CCDC102B: variants seen among roughly 807,000 people sequenced by gnomAD.
CCDC102B encodes the protein coiled-coil domain-containing protein 102B.
Under a neutral mutation model 57.4 loss-of-function variants are expected in CCDC102B, and 75 were observed. That is an observed-to-expected ratio of 1.31 (90% CI 1.08 to 1.58). CCDC102B has a LOEUF of 1.58. CCDC102B is among the 40% of genes most tolerant of loss of function. The pLI, the probability that CCDC102B is intolerant of heterozygous loss-of-function variation, is 0.00. For synonymous variants in CCDC102B, 206 were observed against 201.9 expected (o/e 1.02, Z -0.17); for missense variants, 636 against 582.6 (o/e 1.09, Z -0.94).
chr18:69,045,994 A>G (rs2052556382), intron 7 of CCDC102B, among the ~76,000 whole-genome samples: 1 of 152,094 alleles, frequency 6.6e-6, no homozygotes, highest in East Asian at 1.9e-4. Context: ...CATTTTCTTT[A>G]GTCTACTGTT....
At chr18:69,027,524 G>A (rs183531853) in intron 7 of CCDC102B, among the ~76,000 whole-genome samples, 2 of 152,192 alleles carry the variant, frequency 1.3e-5, no homozygotes, top group Admixed American at 1.3e-4. Context: ...GGATTTATAT[G>A]CTATGTCTAG....
At chr18:68,993,965 A>G (rs951570259) in intron 6 of CCDC102B, among the ~76,000 whole-genome samples, 5 of 152,152 alleles carry the variant, frequency 3.3e-5, no homozygotes, top group Admixed American at 2.0e-4. Context: ...CTATATAAAT[A>G]TCAAGACCTA....
intron 7 of CCDC102B, among the ~76,000 whole-genome samples, chr18:69,014,028 T>A (rs1387428398): frequency 1.3e-5 from 2 of 152,170 alleles, no homozygotes; most frequent in Non-Finnish European, 2.9e-5. Flanking sequence ...AGAATATGAT[T>A]GTGACTCTAC....
chr18:69,002,715 A>C (rs1181814365), intron 6 of CCDC102B, among the ~76,000 whole-genome samples: 2 of 152,156 alleles, frequency 1.3e-5, no homozygotes, highest in African/African-American at 4.8e-5. Context: ...TTATCTCTTT[A>C]AGTGAGATGA....
chr18:68,719,046 T>G (rs1340018213), intron 2 of CCDC102B, among the ~76,000 whole-genome samples: 1 of 152,166 alleles, frequency 6.6e-6, no homozygotes, highest in Admixed American at 6.5e-5. Flanking sequence ...CAGAACAACT[T>G]TATGAAAATA....
intron 2 of CCDC102B, among the ~76,000 whole-genome samples, chr18:68,768,871 C>A (rs573216201): frequency 6.6e-6 from 1 of 152,106 alleles, no homozygotes; most frequent in East Asian, 1.9e-4. Flanking sequence ...ATTTCTTAAA[C>A]TATTATAACA....
chr18:68,874,675 ATTC>A lies in CCDC102B; in HGVS notation c.949_951del (p.Leu317del). On this transcript the variant is annotated inframe_deletion, in exon 5 of 8. Transcript: ENST00000360242. ...TTTCAACTTTCTTTTTCAGTTTGAC[ATTC>A]TTCTTGGTCAACATAATGATGAAAT... The A allele has an allele frequency of 6.2e-7, 1 of 1,603,806 alleles. No individual in the cohort carries two copies. Among genetic ancestry groups the A allele is most frequent in the South Asian group, 1.1e-5 (1 of 90,816 alleles).
intron 5 of CCDC102B, among the ~76,000 whole-genome samples, chr18:68,890,625 A>T (rs1385523220): frequency 1.3e-5 from 2 of 152,180 alleles, no homozygotes; most frequent in African/African-American, 2.4e-5. Context: ...AAAAGTTCTT[A>T]TGTCCCTTCC....
At chr18:68,848,760 C>G (rs76030967) in intron 4 of CCDC102B, among the ~76,000 whole-genome samples, 3,085 of 152,026 alleles carry the variant, frequency 0.02, 101 homozygotes, top group African/African-American at 0.07. Context: ...ATTTCATGGT[C>G]TAGAGGATCA....
chr18:68,905,652 G>A (rs1029296525), intron 6 of CCDC102B, among the ~76,000 whole-genome samples: 4 of 151,968 alleles, frequency 2.6e-5, no homozygotes, highest in African/African-American at 7.3e-5. Flanking sequence ...CAAAGCAAGC[G>A]TGATGCAGTA....
intron 6 of CCDC102B, among the ~76,000 whole-genome samples, chr18:68,953,708 A>G (rs2049765946): frequency 6.6e-6 from 1 of 152,194 alleles, no homozygotes; most frequent in South Asian, 2.1e-4. Flanking sequence ...TTACCACAAT[A>G]AAATATAATA....
At chr18:68,796,202 T>C (rs568262285), upstream of CCDC102B, among the ~76,000 whole-genome samples, 1 of 152,262 alleles carries the variant, frequency 6.6e-6, no homozygotes, top group African/African-American at 2.4e-5. Flanking sequence ...ATCATGATGG[T>C]TGTCTGAACC....
chr18:68,874,868 C>T (rs888328176), intron 5 of CCDC102B, 83 bp downstream of exon 5: 28 of 859,522 alleles, frequency 3.3e-5, no homozygotes, highest in East Asian at 2.7e-4. Flanking sequence ...AGTAGGGTAA[C>T]GGTCGTGCCT....
chr18:68,908,711 G>A (rs1476992899), intron 6 of CCDC102B: 1 of 152,090 alleles, frequency 6.6e-6, no homozygotes, highest in Non-Finnish European at 1.5e-5. Flanking sequence ...AATCAGTGTG[G>A]TATTGATTTT....
intron 4 of CCDC102B, among the ~76,000 whole-genome samples, chr18:68,873,214 C>T (rs916332843): frequency 3.9e-5 from 6 of 152,168 alleles, no homozygotes; most frequent in Admixed American, 3.9e-4. Context: ...TCAAATAACT[C>T]TGTGGTATTA....
At chr18:69,052,105 C>G (rs1014611288) in intron 7 of CCDC102B, among the ~76,000 whole-genome samples, 5 of 149,236 alleles carry the variant, frequency 3.4e-5, no homozygotes, top group African/African-American at 1.2e-4. Context: ...TTATGACCAA[C>G]AAAGGAATAG....
At chr18:68,767,671 A>G (rs1438783812) in intron 2 of CCDC102B, among the ~76,000 whole-genome samples, 1 of 152,208 alleles carries the variant, frequency 6.6e-6, no homozygotes, top group African/African-American at 2.4e-5. Flanking sequence ...TCTCTCTGAA[A>G]AGCTCATTCA....
intron 2 of CCDC102B, among the ~76,000 whole-genome samples, chr18:68,785,723 T>C: frequency 6.7e-6 from 1 of 149,030 alleles, no homozygotes; most frequent in Non-Finnish European, 1.5e-5. Flanking sequence ...AGATTCTGGA[T>C]ATTAGCCCTT....
At chr18:68,937,769 C>T (rs183333268) in intron 6 of CCDC102B, among the ~76,000 whole-genome samples, 1 of 151,968 alleles carries the variant, frequency 6.6e-6, no homozygotes, top group African/African-American at 2.4e-5. Context: ...CCCACCAGCC[C>T]CCTGACAGGC....
Sources: gnomAD v4.1 joint callset for allele counts (sites outside exome capture counted in the v4.1 genomes callset) on GRCh38, gnomAD v4.1.1 for gene constraint, MANE v1.5 for transcripts, NCBI Gene and HGNC (gene_info 2026-07-23, HGNC 2026-07-21) for gene names.